Variants in ASIC2 observed in about 807,000 individuals in gnomAD.
ASIC2 encodes acid sensing ion channel subunit 2.
ASIC2 carries 25 observed loss-of-function variants against 57.3 expected under a neutral mutation model. That is an observed-to-expected ratio of 0.44 (90% CI 0.32 to 0.61). The LOEUF (loss-of-function observed/expected upper bound fraction) is 0.61, where lower values mean the gene tolerates loss of function less well. ASIC2 is among the 20% of genes least tolerant of loss of function. ASIC2 has a pLI of 0.06. For synonymous variants in ASIC2, 319 were observed against 307.5 expected (o/e 1.04, Z -0.39); for missense variants, 641 against 738.1 (o/e 0.87, Z 1.52).
Position 33,357,210 on chromosome 17 carries a change from C to A in ASIC2, c.556-245143G>T, listed in dbSNP as rs550245652. On this transcript the variant is annotated intron_variant, in intron 1 of 9. Transcript: ENST00000359872. Reference sequence around the variant, plus strand: ...GCTTCCTCAGGAAGTCCCTCCAAGTCCTCACCATCAGATCTGAACTCCTCA... The same window carrying A: ...GCTTCCTCAGGAAGTCCCTCCAAGTACTCACCATCAGATCTGAACTCCTCA... Among the ~76,000 whole-genome samples the A allele has an allele frequency of 3.3e-5, 5 of 152,174 alleles. No homozygotes were observed. The South Asian group carries it at 8.3e-4, about 25-fold the overall frequency.
intron 1 of ASIC2, among the ~76,000 whole-genome samples, chr17:33,480,710 C>A (rs1382077856): frequency 6.6e-6 from 1 of 152,104 alleles, no homozygotes; most frequent in African/African-American, 2.4e-5. Flanking sequence ...CTGATTCATT[C>A]TGGCTCCTTA....
chr17:33,592,574 C>A (rs1226852728), intron 1 of ASIC2, among the ~76,000 whole-genome samples: 1 of 152,260 alleles, frequency 6.6e-6, no homozygotes, highest in Non-Finnish European at 1.5e-5. Flanking sequence ...TGCTTGCTAT[C>A]TCATTTGCTT....
intron 1 of ASIC2, among the ~76,000 whole-genome samples, chr17:34,080,560 C>A (rs1007187146): frequency 6.6e-6 from 1 of 152,136 alleles, no homozygotes; most frequent in African/African-American, 2.4e-5. Context: ...GTTGGGCTCA[C>A]AAAAGAACAT....
chr17:33,873,580 C>CA (rs1363184469), intron 1 of ASIC2, among the ~76,000 whole-genome samples: 1 of 152,162 alleles, frequency 6.6e-6, no homozygotes, highest in Non-Finnish European at 1.5e-5. Flanking sequence ...CTCTGAGCCT[C>CA]AAAATCCTTA....
At chr17:33,713,612 A>AC (rs1172243731) in intron 1 of ASIC2, among the ~76,000 whole-genome samples, 1 of 152,186 alleles carries the variant, frequency 6.6e-6, no homozygotes, top group Admixed American at 6.5e-5. Context: ...TTTTATCTTA[A>AC]CTTGATTACA....
chr17:34,073,491 C>A (rs1909505214), intron 1 of ASIC2, among the ~76,000 whole-genome samples: 1 of 151,912 alleles, frequency 6.6e-6, no homozygotes, highest in Non-Finnish European at 1.5e-5. Flanking sequence ...TGTGGCCAAA[C>A]CATATGGGGT....
chr17:33,057,196 A>G (rs1203996887), intron 3 of ASIC2, among the ~76,000 whole-genome samples: 1 of 152,210 alleles, frequency 6.6e-6, no homozygotes, highest in Non-Finnish European at 1.5e-5. Flanking sequence ...AGTCCCATGC[A>G]GTTGGTGTGG....
chr17:33,940,925 C>T (rs1008539863), intron 1 of ASIC2, among the ~76,000 whole-genome samples: 15 of 152,350 alleles, frequency 9.8e-5, no homozygotes, highest in Non-Finnish European at 1.5e-4. Flanking sequence ...GTAGCCCAGA[C>T]GGAGTGGGCC....
At chr17:33,706,972 T>C (rs1214495016) in intron 1 of ASIC2, among the ~76,000 whole-genome samples, 1 of 152,244 alleles carries the variant, frequency 6.6e-6, no homozygotes, top group Non-Finnish European at 1.5e-5. Context: ...AAGTAGCTTC[T>C]GAAGAAAGGG....
chr17:33,963,907 G>A (rs1030044664), intron 1 of ASIC2, among the ~76,000 whole-genome samples: 1 of 152,156 alleles, frequency 6.6e-6, no homozygotes, highest in Non-Finnish European at 1.5e-5. Flanking sequence ...TGCTAAATTT[G>A]GCATTAGGAA....
At chr17:34,046,118 A>G (rs1361134818) in intron 1 of ASIC2, among the ~76,000 whole-genome samples, 1 of 152,202 alleles carries the variant, frequency 6.6e-6, no homozygotes, top group Non-Finnish European at 1.5e-5. Flanking sequence ...CATGTGAATG[A>G]AACCATATTG....
At chr17:33,766,239 G>A (rs1910933020) in intron 1 of ASIC2, among the ~76,000 whole-genome samples, 1 of 152,200 alleles carries the variant, frequency 6.6e-6, no homozygotes, top group African/African-American at 2.4e-5. Flanking sequence ...CTCTTACTGT[G>A]CCTAATTTAT....
Position 34,146,444 on chromosome 17 carries a change from A to G in ASIC2, c.555+9534T>C, listed in dbSNP as rs371069509. On this transcript the variant is annotated intron_variant, in intron 1 of 9. Coordinates refer to the ASIC2 transcript ENST00000359872. ...GGTGATTTATTGAGGGAGTGTTCTCATAAAAAGCCTAGAAGCGGGAAGGGG... is the reference window on the plus strand; with the variant it reads ...GGTGATTTATTGAGGGAGTGTTCTCGTAAAAAGCCTAGAAGCGGGAAGGGG... Among the ~76,000 whole-genome samples, 7 of 152,314 alleles carry G rather than the reference A, an allele frequency of 4.6e-5. No individual in the cohort carries two copies. In the East Asian group the frequency reaches 7.7e-4, roughly 17 times the overall value.
chr17:33,889,580 G>A (rs1567747456), intron 1 of ASIC2, among the ~76,000 whole-genome samples: 3 of 152,122 alleles, frequency 2.0e-5, no homozygotes, highest in African/African-American at 4.8e-5. Context: ...CTTCCACAAA[G>A]AGAAGGAGCT....
At chr17:33,305,761 A>T (rs1365135951) in intron 1 of ASIC2, among the ~76,000 whole-genome samples, 1 of 152,110 alleles carries the variant, frequency 6.6e-6, no homozygotes, top group Non-Finnish European at 1.5e-5. Context: ...TGGTTTCATT[A>T]AAAAAAAGTT....
At chr17:33,376,362 C>CT (rs5820038) in intron 1 of ASIC2, among the ~76,000 whole-genome samples, 92,613 of 151,130 alleles carry the variant, frequency 0.61, 29,084 homozygotes, top group East Asian at 0.8. Flanking sequence ...TTGTCCATTT[C>CT]TTTTTTTTTA....
At chr17:33,290,207 C>T (rs1905363337) in intron 1 of ASIC2, among the ~76,000 whole-genome samples, 1 of 152,204 alleles carries the variant, frequency 6.6e-6, no homozygotes, top group South Asian at 2.1e-4. Flanking sequence ...ATCCAATCAG[C>T]CAATGAGAGA....
chr17:33,194,366 G>C (rs1267693287), intron 1 of ASIC2, among the ~76,000 whole-genome samples: 1 of 152,132 alleles, frequency 6.6e-6, no homozygotes, highest in Non-Finnish European at 1.5e-5. Context: ...CCCTGTCCAA[G>C]TAATGGGTAC....
intron 1 of ASIC2, among the ~76,000 whole-genome samples, chr17:33,742,385 T>C (rs892865556): frequency 3.9e-5 from 6 of 152,184 alleles, no homozygotes; most frequent in Non-Finnish European, 8.8e-5. Context: ...TATCCTTAAG[T>C]TGAAGCACAT....
Sources: gnomAD v4.1 joint callset for allele counts (sites outside exome capture counted in the v4.1 genomes callset) on GRCh38, gnomAD v4.1.1 for gene constraint, MANE v1.5 for transcripts, NCBI Gene and HGNC (gene_info 2026-07-23, HGNC 2026-07-21) for gene names.